The following PPFIA2 variants were observed in gnomAD, a reference collection of about 807,000 sequenced individuals.
PPFIA2 encodes PPFI scaffold protein A2, also known as liprin-alpha-2.
Under a neutral mutation model 175.5 loss-of-function variants are expected in PPFIA2, and 46 were observed. That is an observed-to-expected ratio of 0.26 (90% CI 0.21 to 0.34). The LOEUF (loss-of-function observed/expected upper bound fraction) is 0.34. Among genes scored for constraint, PPFIA2 ranks in the 10% least tolerant of loss-of-function variants. The pLI is 1.00. For synonymous variants in PPFIA2, 568 were observed against 511.4 expected (o/e 1.11, Z -1.49); for missense variants, 1,179 against 1,506.1 (o/e 0.78, Z 3.60).
At chr12:81,669,308 C>T (rs1397589526) in intron 4 of PPFIA2, among the ~76,000 whole-genome samples, 4 of 151,990 alleles carry the variant, frequency 2.6e-5, no homozygotes, top group South Asian at 4.1e-4. Flanking sequence ...CCTCAATCTC[C>T]TTTTTCCATG....
At chr12:81,658,615 C>A (rs2068196474) in intron 4 of PPFIA2, among the ~76,000 whole-genome samples, 1 of 151,764 alleles carries the variant, frequency 6.6e-6, no homozygotes, top group African/African-American at 2.4e-5. Context: ...TTTAAAAGAT[C>A]AAGAAACCTG....
intron 4 of PPFIA2, among the ~76,000 whole-genome samples, chr12:81,468,394 T>C (rs977317744): frequency 2.0e-5 from 3 of 152,164 alleles, no homozygotes; most frequent in Non-Finnish European, 4.4e-5. Flanking sequence ...TTAAAGCATG[T>C]CAGGGCTGAG....
chr12:81,476,483 A>C (rs538749777), intron 4 of PPFIA2, among the ~76,000 whole-genome samples: 1 of 152,354 alleles, frequency 6.6e-6, no homozygotes, highest in Non-Finnish European at 1.5e-5. Context: ...ACACATGATT[A>C]AATGTGACAT....
chr12:81,440,747 C>A (rs1029919053), intron 6 of PPFIA2, among the ~76,000 whole-genome samples: 2 of 150,738 alleles, frequency 1.3e-5, no homozygotes, highest in Non-Finnish European at 3.0e-5. Context: ...AGAAGTATTT[C>A]TTTGATTCTT....
At chr12:81,508,249 C>T (rs2061390867) in intron 4 of PPFIA2, among the ~76,000 whole-genome samples, 2 of 151,882 alleles carry the variant, frequency 1.3e-5, no homozygotes, top group Non-Finnish European at 2.9e-5. Flanking sequence ...GGGCCGGGCA[C>T]GGTGGGTCAC....
At chr12:81,642,697 C>CGTGT (rs1567686899) in intron 4 of PPFIA2, among the ~76,000 whole-genome samples, 133 of 6,726 alleles carry the variant, frequency 0.02, 27 homozygotes, top group African/African-American at 0.037. Context: ...TATATACATA[C>CGTGT]ATGTATATGT....
chr12:81,342,979 A>C (rs1381849342), intron 19 of PPFIA2, among the ~76,000 whole-genome samples: 3 of 137,518 alleles, frequency 2.2e-5, no homozygotes, highest in Admixed American at 1.5e-4. Context: ...TAATAATAAT[A>C]AATCATGTAC....
chr12:81,507,466 A>AC (rs1410450269), intron 4 of PPFIA2, among the ~76,000 whole-genome samples: 1 of 152,060 alleles, frequency 6.6e-6, no homozygotes, highest in East Asian at 1.9e-4. Context: ...TTTTATATGT[A>AC]CCTCCTAAGT....
Position 81,628,376 on chromosome 12 carries a change from C to T in PPFIA2, c.303+48415G>A, listed in dbSNP as rs866615353. Among the ~76,000 whole-genome samples the T allele has an allele frequency of 7.6e-3, 846 of 111,726 alleles. 4 individuals are homozygous for T. Among genetic ancestry groups the T allele is most frequent in the Middle Eastern group, 0.029 (5 of 174 alleles). 73.3% of individuals were successfully genotyped at this position (111,726 alleles called of 152,430 possible). ...AAATCCACAATCCACTTTCTTTTAC[C>T]TTTTTTTTTTTTTTTTTTTTTGATA... On this transcript the variant is annotated intron_variant, in intron 4 of 32. Transcript: ENST00000549396.
intron 8 of PPFIA2, among the ~76,000 whole-genome samples, chr12:81,393,673 G>T (rs564913470): frequency 2.0e-5 from 3 of 152,134 alleles, no homozygotes; most frequent in South Asian, 4.1e-4. Context: ...CAATTGACTA[G>T]ATCACAAGGA....
intron 7 of PPFIA2, among the ~76,000 whole-genome samples, chr12:81,426,847 AAACAT>A (rs1039802317): frequency 3.3e-5 from 5 of 152,074 alleles, no homozygotes; most frequent in African/African-American, 9.7e-5. Context: ...TCTATATTTA[AAACAT>A]AGTGGCCACT....
chr12:81,350,209 T>A (rs1440527948), intron 17 of PPFIA2, among the ~76,000 whole-genome samples: 1 of 152,172 alleles, frequency 6.6e-6, no homozygotes, highest in African/African-American at 2.4e-5. Context: ...ATTTGGTAAA[T>A]TCGACCATTA....
At chr12:81,545,023 T>A (rs1414024298) in intron 4 of PPFIA2, among the ~76,000 whole-genome samples, 1 of 152,212 alleles carries the variant, frequency 6.6e-6, no homozygotes, top group African/African-American at 2.4e-5. Context: ...CTTTTTGGTA[T>A]CTGCTTTCTA....
intron 28 of PPFIA2, among the ~76,000 whole-genome samples, chr12:81,271,761 T>G (rs554638814): frequency 6.6e-6 from 1 of 152,332 alleles, no homozygotes; most frequent in African/African-American, 2.4e-5. Flanking sequence ...ATTTTAATTC[T>G]ATGTAAAATT....
chr12:81,523,600 A>G (rs1006834626), intron 4 of PPFIA2, among the ~76,000 whole-genome samples: 1 of 152,196 alleles, frequency 6.6e-6, no homozygotes, highest in Non-Finnish European at 1.5e-5. Context: ...ATTTCATTAA[A>G]TAATAGAACC....
chr12:81,372,917 T>C (rs1198855327), intron 11 of PPFIA2, among the ~76,000 whole-genome samples: 1 of 151,424 alleles, frequency 6.6e-6, no homozygotes, highest in East Asian at 1.9e-4. Flanking sequence ...CTATTTTTTG[T>C]GCCCAAGGTA....
At chr12:81,428,090 T>C (rs563181460) in intron 7 of PPFIA2, among the ~76,000 whole-genome samples, 17 of 151,972 alleles carry the variant, frequency 1.1e-4, no homozygotes, top group African/African-American at 3.9e-4. Context: ...AGAATAAATA[T>C]GGGTAAAATA....
chr12:81,642,704 A>ATATATTATATACATACATG (rs1555549360), intron 4 of PPFIA2, among the ~76,000 whole-genome samples: 2 of 9,462 alleles, frequency 2.1e-4, no homozygotes, highest in East Asian at 2.7e-3. Context: ...ATACATGTAT[A>ATATATTATATACATACATG]TGTATGTATG....
intron 4 of PPFIA2, chr12:81,545,874 C>T (rs1386728108): frequency 1.3e-5 from 2 of 152,218 alleles, no homozygotes; most frequent in East Asian, 3.9e-4. Context: ...CCTGTAATCC[C>T]AGAACTTTGG....
Sources: gnomAD v4.1 joint callset for allele counts (sites outside exome capture counted in the v4.1 genomes callset) on GRCh38, gnomAD v4.1.1 for gene constraint, MANE v1.5 for transcripts, NCBI Gene and HGNC (gene_info 2026-07-23, HGNC 2026-07-21) for gene names.